OTOP2: variants seen among roughly 807,000 people sequenced by gnomAD.
The protein encoded by OTOP2 is otopetrin 2, also known as proton channel OTOP2.
A neutral mutation model predicts 47.4 loss-of-function variants in OTOP2; 41 were observed. The observed-to-expected ratio is 0.87, with a 90% confidence interval of 0.67 to 1.12. The LOEUF is 1.12. OTOP2 is among the 50% of genes most tolerant of loss of function. The pLI, the probability that OTOP2 is intolerant of heterozygous loss-of-function variation, is 0.00. For synonymous variants in OTOP2, 328 were observed against 319.6 expected, an observed-to-expected ratio of 1.03 and a Z score of -0.28; for missense variants, 721 against 752.2, an observed-to-expected ratio of 0.96 and a Z score of 0.49.
intron 5 of OTOP2, 44 bp downstream of exon 5, chr17:74,927,842 G>A: frequency 1.2e-6 from 2 of 1,600,414 alleles, no homozygotes; most frequent in East Asian, 4.5e-5. Flanking sequence ...CCAGGCCTTG[G>A]GCCGGGTGCT....
intron 2 of OTOP2, 39 bp from the exon 3 acceptor site, chr17:74,925,517 T>A (rs2038999099): frequency 6.2e-7 from 1 of 1,606,614 alleles, no homozygotes; most frequent in South Asian, 1.1e-5. Flanking sequence ...TCCTGCCTCT[T>A]TGATCCACCA....
intron 2 of OTOP2, 56 bp from the exon 3 acceptor site, chr17:74,925,500 C>T (rs914428988): frequency 1.5e-4 from 243 of 1,594,926 alleles, no homozygotes; most frequent in Non-Finnish European, 2.1e-4. Flanking sequence ...GCTCGGCAGG[C>T]CTTCTCTCCT....
chr17:74,927,609 C>T (rs1425270803), intron 4 of OTOP2, 56 bp from the exon 5 acceptor site: 4 of 1,578,694 alleles, frequency 2.5e-6, no homozygotes, highest in South Asian at 2.4e-5. Flanking sequence ...CAGTATTGCT[C>T]CCCAACCTGC....
intron 3 of OTOP2, 35 bp downstream of exon 3, chr17:74,925,727 A>T: frequency 6.2e-7 from 1 of 1,612,612 alleles, no homozygotes; most frequent in Non-Finnish European, 8.5e-7. Context: ...GGAAGAAAGG[A>T]GCTAACACTT....
rs1156711083 is a variant in OTOP2 at position 74,933,245 on chromosome 17, C to T, written c.1519-130C>T. The T allele has an allele frequency of 8.8e-7, 1 of 1,133,862 alleles. No homozygotes were observed. The highest frequency in any genetic ancestry group is 1.3e-6 in the Non-Finnish European group (1 of 795,142). 70.2% of individuals were successfully genotyped at this position (1,133,862 alleles called of 1,614,324 possible). On this transcript the variant is annotated intron_variant, in intron 6 of 6. Coordinates refer to ENST00000331427, the MANE Select transcript of OTOP2 (RefSeq NM_178160.3). This position sits in a 1 kb window ranked among gnomAD's most constrained non-coding sequence, Gnocchi z 4.7. The stretch of plus-strand genomic sequence containing the variant: ...AATGCTAGAGCTGCCCATTCACTGA[C>T]ACCCAGCCCTCCGTGTCCACCAAGC...
intron 6 of OTOP2, 95 bp downstream of exon 6, chr17:74,931,248 C>A: frequency 6.9e-7 from 1 of 1,453,828 alleles, no homozygotes; most frequent in Non-Finnish European, 9.2e-7. Context: ...CTGTCTTGCC[C>A]CCAGCCCGCC....
chr17:74,930,470 C>A lies in OTOP2; in HGVS notation c.835C>A (p.Pro279Thr). 1 of 1,614,134 alleles carries A rather than the reference C, an allele frequency of 6.2e-7. No individual in the cohort carries two copies. Among genetic ancestry groups the A allele is most frequent in the Non-Finnish European group, 8.5e-7 (1 of 1,179,954 alleles). Residue 279 changes from proline to threonine, a missense_variant, in exon 6 of 7, where the codon CCA (proline) becomes ACA (threonine). By Grantham distance (38) the Pro-to-Thr change is conservative (BLOSUM62 -1). Transcript: ENST00000331427. The surrounding 1 kb of genome is among the most constrained non-coding windows in gnomAD (Gnocchi z 4.0). ...CTCCACCCCTGGCCACAGCCACACC[C>A]CAACCCCTGTCAGCCTCTTCCGGGA... ...LASTPGHSHTPTPVSLFRETF... is the reference protein window; with the variant it reads ...LASTPGHSHTTTPVSLFRETF...
At chr17:74,932,876 C>T (rs1294876049) in intron 6 of OTOP2, among the ~76,000 whole-genome samples, 2 of 152,132 alleles carry the variant, frequency 1.3e-5, no homozygotes, top group Non-Finnish European at 2.9e-5. Flanking sequence ...CCTCCCACTC[C>T]TGGAAAGGGA....
chr17:74,925,251 A>G (rs914396450), intron 2 of OTOP2, among the ~76,000 whole-genome samples: 7 of 152,014 alleles, frequency 4.6e-5, no homozygotes, highest in Non-Finnish European at 1.0e-4. Context: ...CCACTGAAAG[A>G]GCTCAGCCAG....
intron 5 of OTOP2, among the ~76,000 whole-genome samples, chr17:74,929,189 T>C (rs770348612): frequency 1.4e-4 from 21 of 152,048 alleles, no homozygotes; most frequent in Non-Finnish European, 2.2e-4. Context: ...AAGTCAAGAC[T>C]CCTTTCCATG....
At chr17:74,927,379 T>TC in intron 4 of OTOP2, 98 bp downstream of exon 4, 2 of 1,387,686 alleles carry the variant, frequency 1.4e-6, no homozygotes, top group Non-Finnish European at 2.0e-6. Flanking sequence ...TCTCTTTATG[T>TC]CCCCTGGGTG....
intron 5 of OTOP2, 49 bp downstream of exon 5, chr17:74,927,847 G>A (rs114153654): frequency 1.3e-6 from 2 of 1,593,128 alleles, no homozygotes; most frequent in Non-Finnish European, 8.6e-7. Flanking sequence ...CCTTGGGCCG[G>A]GTGCTTTGTG....
At position 74,930,981 on chromosome 17, in the gene OTOP2, C is replaced by T; in HGVS notation, c.1346C>T (p.Thr449Ile). The T allele has an allele frequency of 6.2e-7, 1 of 1,614,174 alleles. No individual in the cohort carries two copies. The highest frequency in any genetic ancestry group is 8.5e-7 in the Non-Finnish European group (1 of 1,180,034). Residue 449 changes from threonine (T) to isoleucine (I), a missense_variant, in exon 6 of 7, where the codon ACC becomes ATC. Physicochemically the swap from Thr to Ile is moderately conservative, Grantham distance 89 (BLOSUM62 -1). Coordinates refer to ENST00000331427, the MANE Select transcript of OTOP2 (RefSeq NM_178160.3). This position sits in a 1 kb window ranked among gnomAD's most constrained non-coding sequence, Gnocchi z 4.0. Reference sequence around the variant, plus strand: ...GAGCCCTGCCAAGACCTCACCTTCACCAACCTGGATGCCCTCCACACGTTG... The same window carrying T: ...GAGCCCTGCCAAGACCTCACCTTCATCAACCTGGATGCCCTCCACACGTTG... ...PKEPCQDLTFTNLDALHTLSA... is the reference protein window; with the variant it reads ...PKEPCQDLTFINLDALHTLSA...
chr17:74,924,920 G>A lies in OTOP2; in HGVS notation c.288G>A (p.Ala96=), dbSNP rs1204528201. The A allele has an allele frequency of 4.4e-6, 7 of 1,576,430 alleles. No individual in the cohort carries two copies. Among genetic ancestry groups the A allele is most frequent in the African/African-American group, 1.3e-5 (1 of 74,496 alleles). Residue 96 remains alanine (A), a synonymous_variant, in exon 2 of 7, where the codon GCG becomes GCA. Coordinates refer to ENST00000331427, the MANE Select transcript of OTOP2 (RefSeq NM_178160.3). The surrounding 1 kb of genome is among the most constrained non-coding windows in gnomAD (Gnocchi z 7.7). Reference sequence around the variant, plus strand: ...CCTGCGCGGTACCCTACCGGGACGCGCACGCTGGCCCCATCTGGCTCCGAG... The same window carrying A: ...CCTGCGCGGTACCCTACCGGGACGCACACGCTGGCCCCATCTGGCTCCGAG... ...RCPCAVPYRD[A]HAGPIWLRGG...
Position 74,931,015 on chromosome 17 carries a change from C to T in OTOP2, c.1380C>T (p.Cys460=), listed in dbSNP as rs752347050. Residue 460 remains cysteine (C), a synonymous_variant, in exon 6 of 7, where the codon TGC becomes TGT. Coordinates refer to ENST00000331427, the MANE Select transcript of OTOP2 (RefSeq NM_178160.3). The stretch of plus-strand genomic sequence containing the variant: ...ATGCCCTCCACACGTTGTCCGCCTG[C>T]CCACCCAACCCCGGGCTGGTTAGCC... ...NLDALHTLSA[C]PPNPGLVSPS... is the part of the protein sequence containing the mutation. 2 of 1,614,192 alleles carry T rather than the reference C, an allele frequency of 1.2e-6. No individual in the cohort carries two copies. The highest frequency in any genetic ancestry group is 1.7e-6 in the Non-Finnish European group (2 of 1,180,024).
chr17:74,930,576 T>C lies in OTOP2; in HGVS notation c.941T>C (p.Val314Ala). 1 of 1,613,958 alleles carries C rather than the reference T, an allele frequency of 6.2e-7. No individual in the cohort carries two copies. The highest frequency in any genetic ancestry group is 8.5e-7 in the Non-Finnish European group (1 of 1,179,992). Residue 314 changes from valine (V) to alanine (A), a missense_variant, in exon 6 of 7, where the codon GTG (valine) becomes GCG (alanine). Transcript: ENST00000331427. The surrounding 1 kb of genome is among the most constrained non-coding windows in gnomAD (Gnocchi z 4.0). Reference protein sequence around the residue: ...LAVFIIYEVQVSGDGSRTRQA... With the variant: ...LAVFIIYEVQASGDGSRTRQA... ...GTCTTCATCATCTACGAGGTTCAAG[T>C]GAGCGGGGACGGGAGCCGCACCAGG... is the stretch of plus-strand genomic sequence containing the variant.
chr17:74,931,810 A>G (rs1012505571), intron 6 of OTOP2, among the ~76,000 whole-genome samples: 6 of 152,078 alleles, frequency 3.9e-5, no homozygotes, highest in Admixed American at 3.3e-4. Flanking sequence ...AAAATTAGCC[A>G]GGCGTGGTAG....
At position 74,930,581 on chromosome 17, in the gene OTOP2, G is replaced by A. The variant is rs781544027; in HGVS notation, c.946G>A (p.Gly316Arg). The change falls in exon 6 of 7, where the codon GGG (glycine) becomes AGG (arginine). Residue 316 changes from glycine to arginine, a missense_variant. Transcript: ENST00000331427. This position sits in a 1 kb window ranked among gnomAD's most constrained non-coding sequence, Gnocchi z 4.0. ...CATCATCTACGAGGTTCAAGTGAGC[G>A]GGGACGGGAGCCGCACCAGGCAGGC... ...VFIIYEVQVSGDGSRTRQALV... is the reference protein window; with the variant it reads ...VFIIYEVQVSRDGSRTRQALV... 10 of 1,613,928 alleles carry A rather than the reference G, an allele frequency of 6.2e-6. No individual in the cohort carries two copies. The highest frequency in any genetic ancestry group is 1.1e-5 in the South Asian group (1 of 91,064).
Position 74,930,965 on chromosome 17 carries a change from C to T in OTOP2, c.1330C>T (p.Gln444Ter), listed in dbSNP as rs766405398. 4 of 1,614,006 alleles carry T rather than the reference C, an allele frequency of 2.5e-6. No individual in the cohort carries two copies. The African/African-American group carries it at 5.3e-5, about 22-fold the overall frequency. The change falls in exon 6 of 7, where the codon CAA (glutamine) becomes TAA (stop). Residue 444 changes from glutamine (Q) to a stop codon, truncating the protein, a stop_gained. Coordinates refer to ENST00000331427, the MANE Select transcript of OTOP2 (RefSeq NM_178160.3). LOFTEE classifies it high-confidence loss of function. The surrounding 1 kb of genome is among the most constrained non-coding windows in gnomAD (Gnocchi z 4.0). ...PHSTHPKEPC[Q>*]DLTFTNLDAL... ...CAGTACCCACCCCAAGGAGCCCTGC[C>T]AAGACCTCACCTTCACCAACCTGGA... is the stretch of plus-strand genomic sequence containing the variant.
Sources: allele counts gnomAD v4.1 joint callset (sites outside exome capture counted in the v4.1 genomes callset), GRCh38; gene constraint gnomAD v4.1.1; non-coding constraint Gnocchi (gnomAD v3.1); transcripts MANE v1.5; gene names NCBI Gene and HGNC (gene_info 2026-07-23, HGNC 2026-07-21).